The following MCU variants were observed in gnomAD, a reference collection of about 807,000 sequenced individuals.
MCU encodes the protein calcium uniporter protein, mitochondrial.
A neutral mutation model predicts 45.2 loss-of-function variants in MCU; 12 were observed. That is an observed-to-expected ratio of 0.27 (90% CI 0.17 to 0.43). The LOEUF (loss-of-function observed/expected upper bound fraction) is 0.43, where lower values mean the gene tolerates loss of function less well. MCU is among the 20% of genes least tolerant of loss of function. The pLI, the probability that MCU is intolerant of heterozygous loss-of-function variation, is 1.00. For synonymous variants in MCU, 160 were observed against 165.1 expected, an observed-to-expected ratio of 0.97 and a Z score of 0.24; for missense variants, 324 against 436.7, an observed-to-expected ratio of 0.74 and a Z score of 2.30.
intron 1 of MCU, among the ~76,000 whole-genome samples, chr10:72,754,302 C>G (rs535652327): frequency 6.6e-6 from 1 of 152,186 alleles, no homozygotes; most frequent in South Asian, 2.1e-4. Flanking sequence ...GGTCTTAAAG[C>G]CCAGATTTCA....
rs180721399 is a variant in MCU at position 72,717,086 on chromosome 10, A to G, written c.150+24785A>G. The stretch of plus-strand genomic sequence containing the variant: ...TTAGGCGATGCTTGTTTTCCCTACT[A>G]TTTGAAAGGTGCACAGTCTATTTCC... On this transcript the variant is annotated intron_variant, in intron 1 of 7. Transcript: ENST00000373053. 2.8e-3 allele frequency among the ~76,000 whole-genome samples: 412 copies of G among 148,404 alleles called. 3 individuals carry two copies. Among genetic ancestry groups the G allele is most frequent in the African/African-American group, 9.8e-3 (392 of 40,148 alleles).
chr10:72,845,389 T>C (rs1022956773), intron 2 of MCU, among the ~76,000 whole-genome samples: 8 of 152,136 alleles, frequency 5.3e-5, no homozygotes, highest in Admixed American at 3.9e-4. Context: ...GAAAATCTGG[T>C]TTTTCGATAT....
At position 72,804,075 on chromosome 10, in the gene MCU, A is replaced by AT. The variant is rs1844390645; in HGVS notation, c.151-30284_151-30283insT. Among the ~76,000 whole-genome samples the AT allele has an allele frequency of 1.1e-4, 6 of 55,998 alleles. 1 individual carries two copies. The highest frequency in any genetic ancestry group is 3.3e-4 in the African/African-American group (4 of 12,200). 36.7% of individuals were successfully genotyped at this position (55,998 alleles called of 152,430 possible). On this transcript the variant is annotated intron_variant, in intron 1 of 7. Coordinates refer to ENST00000373053, the MANE Select transcript of MCU (RefSeq NM_138357.3). ...ATATATATATATATATATATATATA[A>AT]AATAAGAGTGCCAACAATTTACATT...
chr10:72,861,816 G>A (rs1845381638), intron 4 of MCU: 1 of 294,916 alleles, frequency 3.4e-6, no homozygotes, highest in Non-Finnish European at 6.7e-6. Flanking sequence ...GTATTTTTAT[G>A]TACTATTTTA....
At chr10:72,717,946 T>A (rs1842974503) in intron 1 of MCU, among the ~76,000 whole-genome samples, 1 of 152,214 alleles carries the variant, frequency 6.6e-6, no homozygotes, top group African/African-American at 2.4e-5. Context: ...AATCCCCATA[T>A]ATCCCTCACC....
At chr10:72,752,258 T>A (rs2132711570) in intron 1 of MCU, among the ~76,000 whole-genome samples, 1 of 150,892 alleles carries the variant, frequency 6.6e-6, no homozygotes, top group African/African-American at 2.4e-5. Flanking sequence ...GGTCCAGATT[T>A]TTTTTTTTTT....
chr10:72,764,905 G>A (rs1843703121), intron 1 of MCU, among the ~76,000 whole-genome samples: 1 of 152,006 alleles, frequency 6.6e-6, no homozygotes. Context: ...CATATTTATA[G>A]AACAGGAAAA....
At chr10:72,693,152 CTGTTTGAACACTCT>C in intron 1 of MCU, 1 of 1,329,328 alleles carries the variant, frequency 7.5e-7, no homozygotes, top group East Asian at 2.5e-5. Context: ...AAGAGGATTT[CTGTTTGAACACTCT>C]TGGGTGAGTG....
intron 1 of MCU, among the ~76,000 whole-genome samples, chr10:72,798,262 A>G (rs1290166888): frequency 6.6e-6 from 1 of 152,172 alleles, no homozygotes; most frequent in Admixed American, 6.5e-5. Flanking sequence ...AAAAATACCC[A>G]TAATCCCAAC....
At chr10:72,702,541 G>GT (rs1429208919) in intron 1 of MCU, among the ~76,000 whole-genome samples, 2 of 152,214 alleles carry the variant, frequency 1.3e-5, no homozygotes, top group African/African-American at 4.8e-5. Flanking sequence ...TCCTAAAAGA[G>GT]TTCACAGTCT....
chr10:72,861,601 C>A, intron 4 of MCU: 1 of 346,940 alleles, frequency 2.9e-6, no homozygotes, highest in Non-Finnish European at 5.4e-6. Context: ...TCCACCTTGG[C>A]CTCCCAAAGT....
chr10:72,710,405 C>G (rs188651789), intron 1 of MCU, among the ~76,000 whole-genome samples: 71 of 152,176 alleles, frequency 4.7e-4, no homozygotes, highest in Non-Finnish European at 9.1e-4. Context: ...ATCTGAGACC[C>G]TGAGTTATGG....
chr10:72,845,660 C>G (rs1253514460), intron 2 of MCU, among the ~76,000 whole-genome samples: 1 of 152,092 alleles, frequency 6.6e-6, no homozygotes, highest in East Asian at 1.9e-4. Context: ...GTAGGCTATA[C>G]CTTCTAGGTT....
intron 5 of MCU, among the ~76,000 whole-genome samples, chr10:72,870,857 T>G (rs756148504): frequency 2.0e-5 from 3 of 152,206 alleles, no homozygotes; most frequent in Non-Finnish European, 2.9e-5. Flanking sequence ...TTCCACCCAC[T>G]TCTAGGTTGA....
chr10:72,871,589 T>A lies in MCU; in HGVS notation c.861+9T>A, dbSNP rs199962302. ...TTGTAATGACACGCCAGGTAAGAATTCTCTTCAAGTAACTTTTTATGAGAT... is the reference window on the plus strand; with the variant it reads ...TTGTAATGACACGCCAGGTAAGAATACTCTTCAAGTAACTTTTTATGAGAT... On this transcript the variant is annotated intron_variant, in intron 6 of 7. Coordinates refer to ENST00000373053, the MANE Select transcript of MCU (RefSeq NM_138357.3). 4 of 1,606,862 alleles carry A rather than the reference T, an allele frequency of 2.5e-6. No homozygotes were observed. Among genetic ancestry groups the A allele is most frequent in the Non-Finnish European group, 2.6e-6 (3 of 1,173,486 alleles).
intron 1 of MCU, among the ~76,000 whole-genome samples, chr10:72,831,129 C>T (rs1331873137): frequency 6.6e-6 from 1 of 152,070 alleles, no homozygotes; most frequent in African/African-American, 2.4e-5. Flanking sequence ...ATTAGATTTA[C>T]AGAGAAGAAT....
intron 1 of MCU, among the ~76,000 whole-genome samples, chr10:72,694,640 A>G (rs931698294): frequency 6.6e-6 from 1 of 152,206 alleles, no homozygotes; most frequent in Non-Finnish European, 1.5e-5. Flanking sequence ...CTAAGGTTGA[A>G]TCTTGCTTGG....
intron 1 of MCU, among the ~76,000 whole-genome samples, chr10:72,830,137 T>C (rs1050317802): frequency 6.6e-5 from 10 of 152,212 alleles, no homozygotes; most frequent in Admixed American, 6.5e-4. Flanking sequence ...TGCAGCTATA[T>C]ACCAACCACT....
chr10:72,867,214 C>G (rs1381350304), intron 4 of MCU, among the ~76,000 whole-genome samples: 1 of 151,714 alleles, frequency 6.6e-6, no homozygotes, highest in African/African-American at 2.4e-5. Context: ...GTGGTTAATT[C>G]TGACTGTGGC....
Sources: gnomAD v4.1 joint callset for allele counts (sites outside exome capture counted in the v4.1 genomes callset) on GRCh38, gnomAD v4.1.1 for gene constraint, MANE v1.5 for transcripts, NCBI Gene and HGNC (gene_info 2026-07-23, HGNC 2026-07-21) for gene names.